RNF125: variants seen among roughly 807,000 people sequenced by gnomAD.
The protein encoded by RNF125 is ring finger protein 125.
Under a neutral mutation model 26.0 loss-of-function variants are expected in RNF125, and 21 were observed. The ratio of observed to expected loss-of-function variants is 0.81; its 90% CI spans 0.57 to 1.16. RNF125 has a LOEUF of 1.16. RNF125 is among the 50% of genes most tolerant of loss of function. The pLI, the probability that RNF125 is intolerant of heterozygous loss-of-function variation, is 0.00. For missense variants in RNF125, 270 were observed against 299.4 expected, an observed-to-expected ratio of 0.90 and a Z score of 0.72; for synonymous variants, 95 against 109.2, an observed-to-expected ratio of 0.87 and a Z score of 0.81.
chr18:32,067,427 A>G (rs1183605948), intron 5 of RNF125, among the ~76,000 whole-genome samples: 22 of 152,220 alleles, frequency 1.4e-4, no homozygotes, highest in Non-Finnish European at 2.5e-4. Context: ...ACTCACAGCC[A>G]TATTCTTGGG....
intron 5 of RNF125, among the ~76,000 whole-genome samples, chr18:32,067,453 G>C (rs766803440): frequency 5.4e-4 from 83 of 152,312 alleles, no homozygotes; most frequent in Non-Finnish European, 1.1e-3. Context: ...AAGTGAACTG[G>C]AAGTAGTGTT....
chr18:32,084,053 C>T, the RNF125 span, among the ~76,000 whole-genome samples: 2 of 151,832 alleles, frequency 1.3e-5, no homozygotes, highest in Admixed American at 1.3e-4. Context: ...AAATGTTTCT[C>T]TCAAAGATTA....
chr18:32,026,323 A>G (rs775349740), intron 1 of RNF125, among the ~76,000 whole-genome samples: 9 of 135,448 alleles, frequency 6.6e-5, no homozygotes, highest in Non-Finnish European at 1.2e-4. Context: ...ATCTGGGCTC[A>G]CTGCAACCTC....
Position 32,070,016 on chromosome 18 carries a change from C to CTT in RNF125, c.*1633_*1634dup, listed in dbSNP as rs34272682. 1.8e-5 allele frequency: 2 copies of CTT among 111,414 alleles called. No homozygotes were observed. Among genetic ancestry groups the CTT allele is most frequent in the South Asian group, 3.2e-4 (1 of 3,112 alleles). The allele number at this position is 111,414 out of a possible 1,614,324, so 6.9% of individuals were successfully genotyped here. On this transcript the variant is annotated 3_prime_UTR_variant, in exon 6 of 6. Transcript: ENST00000217740. ...CGGTGTCTTTCTTTCCTTCCTCCTT[C>CTT]TTCTCTCTCTCTCTCTCTCTCTCTT...
chr18:32,071,957 G>A lies in RNF125; in HGVS notation c.*3573G>A, dbSNP rs1021445778. 6.6e-6 allele frequency: 1 copy of A among 152,228 alleles called. No homozygotes were observed. Among genetic ancestry groups the A allele is most frequent in the African/African-American group, 2.4e-5 (1 of 41,462 alleles). The allele number at this position is 152,228 out of a possible 1,614,324, so 9.4% of individuals were successfully genotyped here. On this transcript the variant is annotated 3_prime_UTR_variant, in exon 6 of 6. Transcript: ENST00000217740. ...CCCAGCACTTTGGGAGGCTGAGGTG[G>A]AGGGTCTCATGAGCCCAGGAGTTCA...
At chr18:32,025,093 G>C (rs1468896474) in intron 1 of RNF125, among the ~76,000 whole-genome samples, 2 of 151,894 alleles carry the variant, frequency 1.3e-5, no homozygotes, top group Non-Finnish European at 2.9e-5. Flanking sequence ...AAAAAACCTA[G>C]CTTGATTTAC....
At chr18:32,025,710 A>C (rs1274270501) in intron 1 of RNF125, among the ~76,000 whole-genome samples, 2 of 146,730 alleles carry the variant, frequency 1.4e-5, no homozygotes, top group African/African-American at 5.0e-5. Flanking sequence ...ACCCCCAAAG[A>C]GGGGCGATTG....
At chr18:32,075,321 G>C (rs538820593), downstream of RNF125, among the ~76,000 whole-genome samples, 3 of 152,266 alleles carry the variant, frequency 2.0e-5, no homozygotes, top group Non-Finnish European at 2.9e-5. Context: ...ATTTTGGGAG[G>C]CTGAGGTGGG....
intron 3 of RNF125, among the ~76,000 whole-genome samples, chr18:32,044,440 G>T (rs57162885): frequency 0.032 from 4,850 of 152,088 alleles, 234 homozygotes; most frequent in African/African-American, 0.1. Context: ...TCATCTGAAC[G>T]TGTAATCAGT....
chr18:32,086,474 C>T, the RNF125 span, among the ~76,000 whole-genome samples: 15 of 151,618 alleles, frequency 9.9e-5, no homozygotes, highest in African/African-American at 3.6e-4. Flanking sequence ...AACTCAGTCT[C>T]CCGAGTAGCT....
rs1378934281 is a variant in RNF125, at chr18:32,047,960, A to G, written c.504+2228A>G. 3.9e-5 allele frequency among the ~76,000 whole-genome samples: 6 copies of G among 151,924 alleles called. No homozygotes were observed. In the East Asian group the frequency reaches 1.2e-3, roughly 29 times the overall value. On this transcript the variant is annotated intron_variant, in intron 4 of 5. Coordinates refer to ENST00000217740, the MANE Select transcript of RNF125 (RefSeq NM_017831.4). The stretch of plus-strand genomic sequence containing the variant: ...GCCAACACGGTGAAACCCCGTCTCT[A>G]CTACTAAAAATACAAAAATTAGCAA...
chr18:32,050,865 CTTTTTTTTTTTTTTTTTTTT>C lies in RNF125; in HGVS notation c.504+5148_504+5167del, dbSNP rs531751585. Among the ~76,000 whole-genome samples, 26 of 46,342 alleles carry C rather than the reference CTTTTTTTTTTTTTTTTTTTT, an allele frequency of 5.6e-4. No homozygotes were observed. The East Asian group carries it at 0.01, about 18-fold the overall frequency. 30.4% of individuals were successfully genotyped at this position (46,342 alleles called of 152,430 possible). A position where few individuals can be genotyped will look rare whatever the true frequency, so the allele number is the denominator to read the frequency against. ...CCAGCTAGTCTCTCGGTCTAGAGTG[CTTTTTTTTTTTTTTTTTTTT>C]TTTTTTTTTTTTTTGAAGAGACGGT... On this transcript the variant is annotated intron_variant, in intron 4 of 5. Transcript: ENST00000217740.
At chr18:32,049,924 A>T (rs1568202426) in intron 4 of RNF125, among the ~76,000 whole-genome samples, 1 of 152,116 alleles carries the variant, frequency 6.6e-6, no homozygotes, top group South Asian at 2.1e-4. Context: ...CCTAATGGGG[A>T]CATGTGGGTG....
In RNF125 at chr18:32,019,524, G is replaced by A. The variant is rs535545385; in HGVS notation, c.164+497G>A. Among the ~76,000 whole-genome samples, 9 of 152,338 alleles carry A rather than the reference G, an allele frequency of 5.9e-5. No homozygotes were observed. In the East Asian group the frequency reaches 1.5e-3, roughly 26 times the overall value. On this transcript the variant is annotated intron_variant, in intron 1 of 5. Transcript: ENST00000217740. ...TTTGTTTTGCTGGAGCTGTGCACGT[G>A]TTCCCAGAATGCCCACAGAGGCTCG...
intron 3 of RNF125, among the ~76,000 whole-genome samples, chr18:32,043,737 T>A (rs924816713): frequency 4.6e-5 from 7 of 152,264 alleles, no homozygotes; most frequent in African/African-American, 1.7e-4. Context: ...AGAATTAAAA[T>A]AATAGAAAAT....
chr18:32,019,040 G>A lies in RNF125; in HGVS notation c.164+13G>A, dbSNP rs777085077. ...GCTGTGGCCACGTGTAAGTTCCAGGGGAGCTCGGTTTGCGCCCACCCCTAA... is the reference window on the plus strand; with the variant it reads ...GCTGTGGCCACGTGTAAGTTCCAGGAGAGCTCGGTTTGCGCCCACCCCTAA... On this transcript the variant is annotated intron_variant, in intron 1 of 5. Transcript: ENST00000217740. 6 of 1,611,070 alleles carry A rather than the reference G, an allele frequency of 3.7e-6. No homozygotes were observed. The highest frequency in any genetic ancestry group is 1.6e-4 in the Middle Eastern group (1 of 6,068).
At chr18:32,085,943 C>T in the RNF125 span, among the ~76,000 whole-genome samples, 2 of 151,986 alleles carry the variant, frequency 1.3e-5, no homozygotes, top group African/African-American at 4.8e-5. Context: ...CTACAAATAA[C>T]CAAAGAACCC....
chr18:32,020,201 C>G (rs1598804818), intron 1 of RNF125, among the ~76,000 whole-genome samples: 1 of 152,032 alleles, frequency 6.6e-6, no homozygotes, highest in Admixed American at 6.5e-5. Context: ...GCGCCCACCC[C>G]CACACCCGGC....
intron 4 of RNF125, among the ~76,000 whole-genome samples, chr18:32,062,438 A>G (rs565485012): frequency 1.3e-5 from 2 of 152,350 alleles, no homozygotes; most frequent in South Asian, 2.1e-4. Flanking sequence ...AGTAGTGCCA[A>G]TTAACCAAGA....
Sources: gnomAD v4.1 joint callset for allele counts (sites outside exome capture counted in the v4.1 genomes callset) on GRCh38, gnomAD v4.1.1 for gene constraint, MANE v1.5 for transcripts, NCBI Gene and HGNC (gene_info 2026-07-23, HGNC 2026-07-21) for gene names.